GLCE: variants seen among roughly 807,000 people sequenced by gnomAD.
GLCE encodes the protein D-glucuronyl C5-epimerase.
In GLCE, 19 loss-of-function variants were observed where a neutral mutation model predicts 47.9. The observed-to-expected ratio is 0.40, with a 90% CI of 0.28 to 0.58. GLCE has a LOEUF of 0.58. Among genes scored for constraint, GLCE ranks in the 20% least tolerant of loss-of-function variants. GLCE has a pLI of 0.48. For synonymous variants in GLCE, 245 were observed against 263.4 expected, an observed-to-expected ratio of 0.93 and a Z score of 0.68; for missense variants, 556 against 743.3, an observed-to-expected ratio of 0.75 and a Z score of 2.93.
intron 1 of GLCE, among the ~76,000 whole-genome samples, chr15:69,161,145 T>C (rs1234392467): frequency 6.6e-6 from 1 of 152,022 alleles, no homozygotes; most frequent in African/African-American, 2.4e-5. Context: ...AGGGGTCTTT[T>C]TACCCGGGTC....
intron 2 of GLCE, among the ~76,000 whole-genome samples, chr15:69,255,296 A>G (rs145828179): frequency 2.5e-3 from 383 of 152,316 alleles, no homozygotes; most frequent in Non-Finnish European, 4.7e-3. Context: ...AAAATACAAA[A>G]TGCTTCAAAA....
intron 4 of GLCE, among the ~76,000 whole-genome samples, chr15:69,262,575 C>G (rs531615001): frequency 6.6e-6 from 1 of 152,270 alleles, no homozygotes; most frequent in African/African-American, 2.4e-5. Flanking sequence ...CTAGGACAGT[C>G]TTTTGAACTC....
intron 2 of GLCE, among the ~76,000 whole-genome samples, chr15:69,236,159 T>G (rs2052592015): frequency 6.6e-6 from 1 of 152,000 alleles, no homozygotes; most frequent in South Asian, 2.1e-4. Context: ...GAACCACAGT[T>G]TATCCAGTCA....
chr15:69,166,416 G>C (rs2051501973), intron 1 of GLCE, among the ~76,000 whole-genome samples: 2 of 152,164 alleles, frequency 1.3e-5, no homozygotes, highest in South Asian at 4.1e-4. Context: ...GAAGTAGGTT[G>C]TAAAGTTTAT....
intron 2 of GLCE, among the ~76,000 whole-genome samples, chr15:69,218,828 T>C (rs2052341211): frequency 6.6e-6 from 1 of 152,156 alleles, no homozygotes; most frequent in Admixed American, 6.5e-5. Flanking sequence ...TCAGAAATAA[T>C]GCACATATCT....
At position 69,245,180 on chromosome 15, in the gene GLCE, A is replaced by G. The variant is rs143587119; in HGVS notation, c.-13-10614A>G. Among the ~76,000 whole-genome samples the G allele has an allele frequency of 7.8e-3, 1,181 of 152,046 alleles. 17 individuals are homozygous for G. Among genetic ancestry groups the G allele is most frequent in the African/African-American group, 0.027 (1,124 of 41,460 alleles). On this transcript the variant is annotated intron_variant, in intron 2 of 4. Transcript: ENST00000261858. ...AAACCCTTTCTCTACTAAAAATGCA[A>G]AAATTAGCCAGGCATGGTGGCATAT...
intron 1 of GLCE, chr15:69,197,143 T>A: frequency 5.2e-6 from 2 of 384,920 alleles, no homozygotes; most frequent in South Asian, 4.2e-5. Flanking sequence ...GCCCAGTCCT[T>A]CGGCACAACA....
intron 1 of GLCE, among the ~76,000 whole-genome samples, chr15:69,189,962 C>G (rs1289625781): frequency 6.6e-6 from 1 of 152,120 alleles, no homozygotes; most frequent in Non-Finnish European, 1.5e-5. Context: ...TCCTGATCCT[C>G]TCCCTCATCC....
chr15:69,211,984 CT>C (rs1434776368), intron 2 of GLCE, among the ~76,000 whole-genome samples: 2 of 151,938 alleles, frequency 1.3e-5, no homozygotes, highest in African/African-American at 4.8e-5. Context: ...AAAGAAAATA[CT>C]TTGCATCTTT....
At chr15:69,232,709 A>AG (rs1231177827) in intron 2 of GLCE, among the ~76,000 whole-genome samples, 1 of 152,158 alleles carries the variant, frequency 6.6e-6, no homozygotes, top group African/African-American at 2.4e-5. Context: ...GTAGAATTTG[A>AG]GGGGGGAATT....
chr15:69,173,254 A>G (rs1397558146), intron 1 of GLCE, among the ~76,000 whole-genome samples: 1 of 152,250 alleles, frequency 6.6e-6, no homozygotes, highest in Non-Finnish European at 1.5e-5. Context: ...AGAAGAGAGT[A>G]ATCAGAATGA....
At chr15:69,177,536 A>C (rs951028358) in intron 1 of GLCE, among the ~76,000 whole-genome samples, 4 of 152,224 alleles carry the variant, frequency 2.6e-5, no homozygotes, top group African/African-American at 9.6e-5. Context: ...TGATGTAGGT[A>C]TATACCTGTG....
At chr15:69,183,127 G>T (rs1312409901) in intron 1 of GLCE, among the ~76,000 whole-genome samples, 1 of 152,182 alleles carries the variant, frequency 6.6e-6, no homozygotes, top group Non-Finnish European at 1.5e-5. Flanking sequence ...GAAGATCCTA[G>T]ATCTACTGAA....
chr15:69,213,842 C>A (rs1185649406), intron 2 of GLCE, among the ~76,000 whole-genome samples: 2 of 152,052 alleles, frequency 1.3e-5, no homozygotes, highest in Non-Finnish European at 2.9e-5. Context: ...AGAGTAGTCC[C>A]TGCTCACATT....
intron 2 of GLCE, among the ~76,000 whole-genome samples, chr15:69,240,522 G>A (rs1397034660): frequency 6.6e-6 from 1 of 152,044 alleles, no homozygotes; most frequent in Non-Finnish European, 1.5e-5. Flanking sequence ...AAGTTCATAA[G>A]GCAGCAGGTG....
intron 2 of GLCE, among the ~76,000 whole-genome samples, chr15:69,228,000 T>C (rs2052472915): frequency 6.6e-6 from 1 of 152,218 alleles, no homozygotes; most frequent in African/African-American, 2.4e-5. Context: ...GATCTGCTAA[T>C]AGATGCATTG....
intron 2 of GLCE, among the ~76,000 whole-genome samples, chr15:69,238,464 C>T (rs193143512): frequency 3.0e-4 from 45 of 152,196 alleles, no homozygotes; most frequent in African/African-American, 8.4e-4. Flanking sequence ...TTTCAATAAC[C>T]GAAAGTATAT....
At chr15:69,205,908 T>C (rs906301132) in intron 1 of GLCE, among the ~76,000 whole-genome samples, 2 of 152,116 alleles carry the variant, frequency 1.3e-5, no homozygotes, top group Non-Finnish European at 2.9e-5. Flanking sequence ...TTTATATTCC[T>C]CACACAGCTT....
chr15:69,261,591 C>T (rs2053016158), intron 4 of GLCE, among the ~76,000 whole-genome samples: 1 of 152,158 alleles, frequency 6.6e-6, no homozygotes, highest in Non-Finnish European at 1.5e-5. Flanking sequence ...ACAATGTGTA[C>T]CTGCCTCCAG....
Sources: gnomAD v4.1 joint callset for allele counts (sites outside exome capture counted in the v4.1 genomes callset) on GRCh38, gnomAD v4.1.1 for gene constraint, MANE v1.5 for transcripts, NCBI Gene and HGNC (gene_info 2026-07-23, HGNC 2026-07-21) for gene names.